The following NME8 variants were observed in gnomAD, a reference collection of about 807,000 sequenced individuals.
NME8 encodes protein NME8.
Under a neutral mutation model 82.3 loss-of-function variants are expected in NME8, and 72 were observed. The observed-to-expected ratio is 0.87, with a 90% CI of 0.72 to 1.06. The LOEUF is 1.06. NME8 is among the 50% of genes least tolerant of loss of function. NME8 has a pLI of 0.00. For missense variants in NME8, 712 were observed against 685.4 expected, an observed-to-expected ratio of 1.04 and a Z score of -0.43; for synonymous variants, 267 against 228.5, an observed-to-expected ratio of 1.17 and a Z score of -1.52.
Position 37,884,296 on chromosome 7 carries a change from TA to T in NME8, c.995-6del. 6.4e-7 allele frequency: 1 copy of T among 1,550,514 alleles called. No homozygotes were observed. The highest frequency in any genetic ancestry group is 8.9e-7 in the Non-Finnish European group (1 of 1,122,344). The stretch of plus-strand genomic sequence containing the variant: ...TTAAAACTTATTATGTAACTGTTTT[TA>T]TTTAGATGATGTTTTGCGTATTATT... On this transcript the variant is annotated splice_polypyrimidine_tract_variant and splice_region_variant and intron_variant, in intron 12 of 17. Transcript: ENST00000199447.
At chr7:37,852,777 G>A (rs11767167) in intron 5 of NME8, among the ~76,000 whole-genome samples, 5,501 of 152,226 alleles carry the variant, frequency 0.036, 138 homozygotes, top group Middle Eastern at 0.1. Context: ...TAGCAGTTAG[G>A]AAAAGGCTGC....
intron 17 of NME8, among the ~76,000 whole-genome samples, chr7:37,897,553 C>T (rs953524485): frequency 6.6e-6 from 1 of 152,038 alleles, no homozygotes; most frequent in Non-Finnish European, 1.5e-5. Flanking sequence ...ACAAACCAAA[C>T]CAAAACAAAA....
chr7:37,865,651 G>A, intron 10 of NME8, 34 bp downstream of exon 10: 1 of 1,408,656 alleles, frequency 7.1e-7, no homozygotes, highest in Non-Finnish European at 1.0e-6. Context: ...TCCTCTATGT[G>A]TTTAAATACA....
chr7:37,885,562 C>T (rs1785028690), intron 14 of NME8, among the ~76,000 whole-genome samples: 1 of 152,134 alleles, frequency 6.6e-6, no homozygotes, highest in African/African-American at 2.4e-5. Context: ...GGAGAAATTC[C>T]TTTGAGAAGG....
intron 5 of NME8, 101 bp from the exon 6 acceptor site, chr7:37,857,173 A>G: frequency 1.1e-6 from 1 of 909,466 alleles, no homozygotes; most frequent in Non-Finnish European, 1.7e-6. Context: ...GTTGCAGTAA[A>G]CCTAAAAATT....
rs932444930 is a variant in NME8, at chr7:37,872,495, TA to T, written c.819-4330del. On this transcript the variant is annotated intron_variant, in intron 11 of 17. Transcript: ENST00000199447. Reference sequence around the variant, plus strand: ...GAAAAACCCTTAAATAAAATAACAATAAAAAAAGGACTTGAGATTCAATTGC... The same window carrying T: ...GAAAAACCCTTAAATAAAATAACAATAAAAAAGGACTTGAGATTCAATTGC... Among the ~76,000 whole-genome samples the T allele has an allele frequency of 4.0e-5, 6 of 151,776 alleles. 1 individual carries two copies. Among genetic ancestry groups the T allele is most frequent in the Non-Finnish European group, 5.9e-5 (4 of 67,926 alleles).
At chr7:37,861,851 T>A (rs1784601441) in intron 6 of NME8, among the ~76,000 whole-genome samples, 177 bp from the exon 7 acceptor site, 1 of 152,130 alleles carries the variant, frequency 6.6e-6, no homozygotes, top group African/African-American at 2.4e-5. Flanking sequence ...GTTTATCAAG[T>A]CAAGAACATT....
chr7:37,850,782 G>A (rs1784428264), intron 5 of NME8, 47 bp downstream of exon 5: 4 of 1,203,890 alleles, frequency 3.3e-6, no homozygotes, highest in South Asian at 1.2e-5. Context: ...ATTATATTAA[G>A]TTTTTAAGTA....
chr7:37,894,794 T>G (rs10276848), intron 16 of NME8, among the ~76,000 whole-genome samples, 184 bp downstream of exon 16: 3,165 of 152,148 alleles, frequency 0.021, 36 homozygotes, highest in Middle Eastern at 0.041. Flanking sequence ...TTCTTTTCTC[T>G]CTCTCATTCT....
At position 37,897,094 on chromosome 7, in the gene NME8, G is replaced by A. The variant is rs1785241444; in HGVS notation, c.*2G>A. The stretch of plus-strand genomic sequence containing the variant: ...TTTGAGGATCCTGAGGAAAACTAAA[G>A]TATATACTGTGAAGTACGTACCTGT... On this transcript the variant is annotated 3_prime_UTR_variant, in exon 17 of 18. Coordinates refer to ENST00000199447, the MANE Select transcript of NME8 (RefSeq NM_016616.5). The A allele has an allele frequency of 6.3e-6, 10 of 1,583,468 alleles. No homozygotes were observed. Among genetic ancestry groups the A allele is most frequent in the Middle Eastern group, 1.7e-4 (1 of 5,990 alleles).
At chr7:37,868,004 C>A in intron 11 of NME8, 106 bp downstream of exon 11, 1 of 889,038 alleles carries the variant, frequency 1.1e-6, no homozygotes, top group Non-Finnish European at 1.8e-6. Context: ...ATGTTAAAGG[C>A]ATAAGTATTT....
Position 37,865,088 on chromosome 7 carries a change from C to T in NME8, c.529-437C>T, listed in dbSNP as rs578015286. On this transcript the variant is annotated intron_variant, in intron 9 of 17. Transcript: ENST00000199447. ...ATGTCATGTTCTCACATTTCAAAAA[C>T]GAATCATGGTTTCTCAATAGTCCCC... 3.8e-4 allele frequency among the ~76,000 whole-genome samples: 58 copies of T among 152,254 alleles called. 1 individual carries two copies. The highest frequency in any genetic ancestry group is 5.7e-4 in the Non-Finnish European group (39 of 68,012).
intron 15 of NME8, among the ~76,000 whole-genome samples, chr7:37,892,241 A>G (rs1467018013): frequency 6.6e-6 from 1 of 151,692 alleles, no homozygotes; most frequent in Non-Finnish European, 1.5e-5. Context: ...TTCTAGATAC[A>G]TGTTATTCTT....
In NME8 at chr7:37,888,365, C is replaced by A; in HGVS notation, c.1336C>A (p.His446Asn). The change falls in exon 15 of 18, where the codon CAT (histidine) becomes AAT (asparagine). Residue 446 changes from histidine to asparagine, a missense_variant. Physicochemically the swap from His to Asn is moderately conservative, Grantham distance 68. Transcript: ENST00000199447. ...SLETAEREIQ[H>N]FFPLQSTLGL... ...AGAAACCGCTGAAAGGGAAATACAG[C>A]ATTTCTTTCCTCTTCAAAGCACTTT... 1 of 1,613,290 alleles carries A rather than the reference C, an allele frequency of 6.2e-7. No individual in the cohort carries two copies. Among genetic ancestry groups the A allele is most frequent in the Non-Finnish European group, 8.5e-7 (1 of 1,179,412 alleles).
Position 37,848,605 on chromosome 7 carries a change from G to T in NME8, c.-364G>T, listed in dbSNP as rs1479389874. 2 of 152,438 alleles carry T rather than the reference G, an allele frequency of 1.3e-5. No individual in the cohort carries two copies. Among genetic ancestry groups the T allele is most frequent in the Non-Finnish European group, 2.9e-5 (2 of 68,218 alleles). 9.4% of individuals were successfully genotyped at this position (152,438 alleles called of 1,614,324 possible). On this transcript the variant is annotated 5_prime_UTR_variant, in exon 1 of 18. Transcript: ENST00000199447. ...TGGGAGGATGGGGGATGGGAGTTTGGGGATGAGGCAGCTGAAGAACAGAGT... is the reference window on the plus strand; with the variant it reads ...TGGGAGGATGGGGGATGGGAGTTTGTGGATGAGGCAGCTGAAGAACAGAGT...
At chr7:37,899,141 C>T (rs1785275144) in intron 17 of NME8, among the ~76,000 whole-genome samples, 1 of 152,126 alleles carries the variant, frequency 6.6e-6, no homozygotes, top group Non-Finnish European at 1.5e-5. Context: ...CCTCGAAGAC[C>T]TGGAACCAGA....
intron 15 of NME8, among the ~76,000 whole-genome samples, chr7:37,889,511 C>T (rs1785096913): frequency 6.6e-6 from 1 of 151,648 alleles, no homozygotes; most frequent in Admixed American, 6.6e-5. Context: ...TTGATTACTG[C>T]TTTAATTATA....
At chr7:37,885,312 T>A in intron 14 of NME8, 60 bp downstream of exon 14, 1 of 1,018,702 alleles carries the variant, frequency 9.8e-7, no homozygotes, top group Non-Finnish European at 1.5e-6. Flanking sequence ...AACACCTTTT[T>A]AGATGTAGAG....
intron 2 of NME8, among the ~76,000 whole-genome samples, chr7:37,849,440 A>G (rs1784406728): frequency 6.6e-6 from 1 of 152,222 alleles, no homozygotes. Flanking sequence ...TTGGGAGGAT[A>G]AGATAGTGTG....
Sources: allele counts gnomAD v4.1 joint callset (sites outside exome capture counted in the v4.1 genomes callset), GRCh38; gene constraint gnomAD v4.1.1; transcripts MANE v1.5; gene names NCBI Gene and HGNC (gene_info 2026-07-23, HGNC 2026-07-21).